The following CHIC1 variants were observed in gnomAD, a reference collection of about 807,000 sequenced individuals.
CHIC1 encodes cysteine-rich hydrophobic domain-containing protein 1.
In CHIC1, 7 loss-of-function variants were observed where a neutral mutation model predicts 18.5. The observed-to-expected ratio is 0.38, with a 90% CI of 0.22 to 0.71. CHIC1 has a LOEUF of 0.71. CHIC1 is among the 30% of genes least tolerant of loss of function. The probability of loss-of-function intolerance (pLI) is 0.49; values close to 1 mark genes in which losing one functional copy is unlikely to be tolerated. For missense variants in CHIC1, 159 were observed against 176.9 expected (o/e 0.90, Z 0.57); for synonymous variants, 77 against 73.5 (o/e 1.05, Z -0.25).
rs1178292009 is a variant in CHIC1, at chrX:73,584,419, G to T, written c.354G>T (p.Val118=). ...TEFPSVLTGK[V]APEEFKTSIG... is the part of the protein sequence containing the mutation. Reference sequence around the variant, plus strand: ...TTAAAGATTGTACCCTCTTGTAGGTGGCCCCAGAAGAATTTAAAACCAGCA... The same window carrying T: ...TTAAAGATTGTACCCTCTTGTAGGTTGCCCCAGAAGAATTTAAAACCAGCA... The change falls in exon 3 of 6, where the codon GTG becomes GTT. Residue 118 remains valine (V), a splice_region_variant and synonymous_variant. Coordinates refer to ENST00000373502, the MANE Select transcript of CHIC1 (RefSeq NM_001039840.4). The T allele has an allele frequency of 2.5e-6, 3 of 1,185,209 alleles. No homozygotes were observed. Among genetic ancestry groups the T allele is most frequent in the South Asian group, 3.8e-5 (2 of 52,997 alleles).
Position 73,563,434 on chromosome X carries a change from AGAGGAGGAAGAGGAG to A in CHIC1, c.162_176del (p.Glu64_Glu68del). 1.7e-6 allele frequency: 2 copies of A among 1,151,932 alleles called. No individual in the cohort carries two copies. The highest frequency in any genetic ancestry group is 2.3e-6 in the Non-Finnish European group (2 of 865,296). The allele number at this position is 1,151,932 out of a possible 1,213,427, so 94.9% of individuals were successfully genotyped here. ...ACGATGACGAGGAGGATGAGGAGGA[AGAGGAGGAAGAGGAG>A]GAGGAGGAAGAAGAGGAGGAGGAGG... is the stretch of plus-strand genomic sequence containing the variant. On this transcript the variant is annotated inframe_deletion, in exon 1 of 6. Transcript: ENST00000373502.
chrX:73,578,328 C>T (rs1353983245), intron 2 of CHIC1, among the ~76,000 whole-genome samples: 1 of 110,619 alleles, frequency 9.0e-6, no homozygotes, highest in Non-Finnish European at 1.9e-5. Flanking sequence ...TATTTACATA[C>T]GTTTGTTACT....
chrX:73,591,808 T>C (rs1603341292), intron 3 of CHIC1, among the ~76,000 whole-genome samples: 1 of 111,601 alleles, frequency 9.0e-6, no homozygotes, highest in South Asian at 3.7e-4. Flanking sequence ...TTCCTTGAAT[T>C]GCCTTTTTGT....
intron 3 of CHIC1, among the ~76,000 whole-genome samples, chrX:73,670,015 C>G (rs61523512): frequency 0.051 from 5,672 of 111,793 alleles, 362 homozygotes; most frequent in African/African-American, 0.17. Context: ...CTCTGCAAGA[C>G]TCCATACAGC....
chrX:73,623,338 A>G (rs2057768889), intron 3 of CHIC1, among the ~76,000 whole-genome samples: 1 of 110,745 alleles, frequency 9.0e-6, no homozygotes. Context: ...CTAGGTCTCT[A>G]AGAACCTGCT....
intron 3 of CHIC1, among the ~76,000 whole-genome samples, chrX:73,669,773 C>T (rs972169982): frequency 8.9e-6 from 1 of 111,993 alleles, no homozygotes; most frequent in Non-Finnish European, 1.9e-5. Context: ...TGGCACCTAT[C>T]CCTCTCCCTG....
chrX:73,649,298 G>A (rs780230369), intron 3 of CHIC1, among the ~76,000 whole-genome samples: 61 of 111,400 alleles, frequency 5.5e-4, no homozygotes, highest in Admixed American at 6.7e-4. Context: ...CAACTAGTGC[G>A]CAAAATAACC....
chrX:73,643,236 T>C (rs1419608095), intron 3 of CHIC1, among the ~76,000 whole-genome samples: 2 of 111,199 alleles, frequency 1.8e-5, no homozygotes, highest in East Asian at 2.8e-4. Context: ...CCGAGAGATC[T>C]GCTGTTAGTC....
intron 3 of CHIC1, among the ~76,000 whole-genome samples, chrX:73,603,677 T>C (rs1484884089): frequency 2.8e-5 from 3 of 108,663 alleles, no homozygotes; most frequent in African/African-American, 1.1e-4. Flanking sequence ...TATGTTCCAT[T>C]AATACCTTGT....
intron 1 of CHIC1, among the ~76,000 whole-genome samples, chrX:73,573,639 C>T (rs1238855947): frequency 1.8e-5 from 2 of 110,665 alleles, no homozygotes; most frequent in African/African-American, 6.6e-5. Context: ...TCTTTCACCT[C>T]CTTGGTTAGA....
chrX:73,626,992 G>C (rs1043997083), intron 3 of CHIC1, among the ~76,000 whole-genome samples: 1 of 110,488 alleles, frequency 9.1e-6, no homozygotes, highest in African/African-American at 3.3e-5. Flanking sequence ...GATCTAAACT[G>C]TGTCTGCATA....
intron 3 of CHIC1, among the ~76,000 whole-genome samples, chrX:73,660,906 T>A (rs146591857): frequency 0.037 from 4,150 of 112,259 alleles, 78 homozygotes; most frequent in Middle Eastern, 0.056. Context: ...AAAGTGCTTT[T>A]CTACAGCTGA....
At chrX:73,638,991 G>A (rs189207712) in intron 3 of CHIC1, among the ~76,000 whole-genome samples, 22 of 111,882 alleles carry the variant, frequency 2.0e-4, no homozygotes, top group Admixed American at 1.7e-3. Context: ...GAACATATGT[G>A]TGCATGTATC....
At chrX:73,597,029 G>A (rs140227010) in intron 3 of CHIC1, among the ~76,000 whole-genome samples, 3,110 of 111,748 alleles carry the variant, frequency 0.028, 49 homozygotes, top group Non-Finnish European at 0.044. Context: ...TTGAAAAATG[G>A]GATGTAACTA....
At chrX:73,650,701 C>CAAAA (rs139432536) in intron 3 of CHIC1, among the ~76,000 whole-genome samples, 1 of 64,819 alleles carries the variant, frequency 1.5e-5, no homozygotes, top group African/African-American at 5.6e-5. Flanking sequence ...GCCTACCAAC[C>CAAAA]AAAAAAAAAA....
At chrX:73,642,735 A>G (rs1180280576) in intron 3 of CHIC1, among the ~76,000 whole-genome samples, 1 of 110,936 alleles carries the variant, frequency 9.0e-6, no homozygotes, top group East Asian at 2.8e-4. Flanking sequence ...AGCTTTCTAC[A>G]TATGGCTAGC....
chrX:73,627,302 A>C (rs750319673), intron 3 of CHIC1, among the ~76,000 whole-genome samples: 1 of 111,849 alleles, frequency 8.9e-6, no homozygotes, highest in South Asian at 3.7e-4. Flanking sequence ...TTCTGTAACC[A>C]CTCGCTGACT....
intron 3 of CHIC1, among the ~76,000 whole-genome samples, chrX:73,591,264 AC>A (rs945695496): frequency 1.9e-5 from 2 of 106,667 alleles, no homozygotes; most frequent in Non-Finnish European, 3.9e-5. Flanking sequence ...CAGGCCTATG[AC>A]CCCCCTTTTT....
At chrX:73,622,206 C>G (rs1345853484) in intron 3 of CHIC1, among the ~76,000 whole-genome samples, 1 of 111,973 alleles carries the variant, frequency 8.9e-6, no homozygotes, top group Non-Finnish European at 1.9e-5. Context: ...TGATGCTGGC[C>G]TTATAGAATG....
Sources: gnomAD v4.1 joint callset for allele counts (sites outside exome capture counted in the v4.1 genomes callset) on GRCh38, gnomAD v4.1.1 for gene constraint, MANE v1.5 for transcripts, NCBI Gene and HGNC (gene_info 2026-07-23, HGNC 2026-07-21) for gene names.